The following NAV3 variants were observed in gnomAD, a reference collection of about 807,000 sequenced individuals.
NAV3 encodes pore membrane and/or filament interacting like protein 1.
NAV3 carries 87 observed loss-of-function variants against 244.7 expected under a neutral mutation model. The ratio of observed to expected loss-of-function variants is 0.36; its 90% CI spans 0.30 to 0.42. NAV3 has a LOEUF of 0.42. Ranked by LOEUF, NAV3 falls within the 20% of genes least tolerant of loss-of-function variation. The pLI is 1.00. For synonymous variants in NAV3, 1,126 were observed against 1,042.2 expected, an observed-to-expected ratio of 1.08 and a Z score of -1.55; for missense variants, 2,663 against 2,893.3, an observed-to-expected ratio of 0.92 and a Z score of 1.83.
rs76248539 is a variant in NAV3 at position 77,859,013 on chromosome 12, C to A, written c.243+27309C>A. On this transcript the variant is annotated intron_variant, in intron 1 of 39. Coordinates refer to ENST00000397909, the MANE Select transcript of NAV3 (RefSeq NM_001024383.2). The stretch of plus-strand genomic sequence containing the variant: ...GGCATTGCAGGTTGGCAGGATATTT[C>A]TTCTAATTTACTTTCACTGCAGTTA... 8.8e-3 allele frequency among the ~76,000 whole-genome samples: 1,338 copies of A among 152,122 alleles called. 14 individuals are homozygous for A. Among genetic ancestry groups the A allele is most frequent in the Middle Eastern group, 0.014 (4 of 294 alleles).
chr12:77,972,160 G>A (rs1893048628), intron 5 of NAV3, among the ~76,000 whole-genome samples: 1 of 151,890 alleles, frequency 6.6e-6, no homozygotes, highest in African/African-American at 2.4e-5. Flanking sequence ...AGGTGCATGG[G>A]TCATGTGCTA....
At chr12:77,977,491 G>A (rs1003644246) in intron 5 of NAV3, among the ~76,000 whole-genome samples, 4 of 61,144 alleles carry the variant, frequency 6.5e-5, no homozygotes, top group African/African-American at 1.6e-4. Context: ...GTAAAACCTG[G>A]ATATTAAAAC....
chr12:77,626,617 C>T (rs1056660367), intron 2 of NAV3, among the ~76,000 whole-genome samples: 3 of 152,034 alleles, frequency 2.0e-5, no homozygotes, highest in African/African-American at 7.2e-5. Flanking sequence ...AGAAACTACA[C>T]AGGCCAGGAG....
intron 5 of NAV3, among the ~76,000 whole-genome samples, chr12:77,977,708 A>ACGCG (rs143241072): frequency 1.2e-3 from 90 of 73,354 alleles, no homozygotes; most frequent in Admixed American, 3.2e-3. Context: ...ACACACACAC[A>ACGCG]CGCGCACACA....
chr12:77,742,433 A>G (rs1415815482), intron 2 of NAV3, among the ~76,000 whole-genome samples: 1 of 152,106 alleles, frequency 6.6e-6, no homozygotes, highest in Non-Finnish European at 1.5e-5. Flanking sequence ...TGTTTTGACA[A>G]ATACATTGGA....
At position 78,119,387 on chromosome 12, in the gene NAV3, C is replaced by A. The variant is rs763341796; in HGVS notation, c.3191C>A (p.Ser1064Tyr). 1.9e-6 allele frequency: 3 copies of A among 1,614,186 alleles called. No individual in the cohort carries two copies. Among genetic ancestry groups the A allele is most frequent in the Admixed American group, 1.7e-5 (1 of 60,020 alleles). Residue 1064 changes from serine to tyrosine, a missense_variant, in exon 15 of 40, where the codon TCC (serine) becomes TAC (tyrosine). Around this residue, in one of 6 missense-constraint regions of NAV3, gnomAD observed 1,521 missense variants for 1,497.0 expected, o/e 1.02. Coordinates refer to ENST00000397909, the MANE Select transcript of NAV3 (RefSeq NM_001024383.2). ...SGIGRSTATS[S>Y]FGFKKPSGVG... ...ATTGGAAGATCGACTGCCACCAGCT[C>A]CTTTGGCTTTAAGAAACCAAGTGGA...
At chr12:77,626,553 A>C (rs191706884) in intron 2 of NAV3, among the ~76,000 whole-genome samples, 2 of 152,288 alleles carry the variant, frequency 1.3e-5, no homozygotes, top group Non-Finnish European at 2.9e-5. Context: ...CAAGAAAAAA[A>C]GCATCCAGTC....
At chr12:78,136,179 G>T (rs1956366026) in intron 18 of NAV3, among the ~76,000 whole-genome samples, 1 of 152,170 alleles carries the variant, frequency 6.6e-6, no homozygotes, top group Non-Finnish European at 1.5e-5. Context: ...ACAACTCTAA[G>T]CCACTGACGG....
intron 2 of NAV3, among the ~76,000 whole-genome samples, chr12:77,775,361 C>A (rs573995342): frequency 2.7e-5 from 4 of 150,186 alleles, no homozygotes; most frequent in Non-Finnish European, 5.9e-5. Flanking sequence ...CATTGTACTC[C>A]AGCATGGGCA....
At chr12:77,598,655 C>T (rs748984780) in intron 2 of NAV3, among the ~76,000 whole-genome samples, 4 of 151,802 alleles carry the variant, frequency 2.6e-5, no homozygotes, top group Non-Finnish European at 5.9e-5. Flanking sequence ...TGGATACACC[C>T]GGGAAACCAT....
chr12:77,982,062 T>C (rs1177858172), intron 5 of NAV3, among the ~76,000 whole-genome samples: 1 of 152,200 alleles, frequency 6.6e-6, no homozygotes, highest in Non-Finnish European at 1.5e-5. Context: ...TCAAAGATTG[T>C]CTTTACATTC....
intron 1 of NAV3, among the ~76,000 whole-genome samples, chr12:77,843,761 C>T (rs1876126508): frequency 6.6e-6 from 1 of 151,612 alleles, no homozygotes; most frequent in African/African-American, 2.4e-5. Flanking sequence ...CCAGACAATG[C>T]CAATGCCAAA....
intron 2 of NAV3, among the ~76,000 whole-genome samples, chr12:77,618,471 A>T (rs1303021871): frequency 6.6e-6 from 1 of 152,220 alleles, no homozygotes; most frequent in African/African-American, 2.4e-5. Flanking sequence ...GACATGCAAT[A>T]TTCGATTGAA....
intron 5 of NAV3, among the ~76,000 whole-genome samples, chr12:77,987,472 T>A (rs779370421): frequency 5.1e-4 from 78 of 152,314 alleles, no homozygotes; most frequent in Middle Eastern, 6.8e-3. Flanking sequence ...GATGTAATAA[T>A]GACTAGTGTC....
At chr12:78,036,100 G>T (rs1403483871) in intron 9 of NAV3, among the ~76,000 whole-genome samples, 1 of 152,106 alleles carries the variant, frequency 6.6e-6, no homozygotes, top group East Asian at 1.9e-4. Context: ...ATGTGCATAA[G>T]GTTAATAGTG....
At chr12:77,776,103 C>T (rs922408534) in intron 2 of NAV3, among the ~76,000 whole-genome samples, 1 of 152,050 alleles carries the variant, frequency 6.6e-6, no homozygotes, top group African/African-American at 2.4e-5. Context: ...TCATAGAAGC[C>T]CAATTAATGT....
In NAV3 at chr12:77,831,195, CAG is replaced by C. The variant is rs71088342; in HGVS notation, c.-245_-244del. ...AGAGAGAGAGAGAGAGAGAGAGAGA[CAG>C]AGAGAGAGAGAGAGAGAGAGAAAGA... On this transcript the variant is annotated 5_prime_UTR_variant, in exon 1 of 40. Transcript: ENST00000397909. 817 of 144,728 alleles carry C rather than the reference CAG, an allele frequency of 5.6e-3. No individual in the cohort carries two copies. Among genetic ancestry groups the C allele is most frequent in the South Asian group, 0.012 (74 of 6,124 alleles). The allele number at this position is 144,728 out of a possible 1,614,324, so 9.0% of individuals were successfully genotyped here.
chr12:78,157,785 G>A (rs982776112), intron 22 of NAV3, among the ~76,000 whole-genome samples: 2 of 151,418 alleles, frequency 1.3e-5, no homozygotes, highest in Non-Finnish European at 2.9e-5. Flanking sequence ...GTGTGTTTGT[G>A]TGAGAGAGAG....
rs570901006 is a variant in NAV3 at position 77,647,730 on chromosome 12, T to G, written c.72+75464T>G. On this transcript the variant is annotated intron_variant, in intron 2 of 8. Coordinates refer to the NAV3 transcript ENST00000550042. Reference sequence around the variant, plus strand: ...TCTCTCTAATGTATGGAACAATGTATTATAGATGTACCATTTTTTCCCATT... The same window carrying G: ...TCTCTCTAATGTATGGAACAATGTAGTATAGATGTACCATTTTTTCCCATT... Among the ~76,000 whole-genome samples, 11 of 152,268 alleles carry G rather than the reference T, an allele frequency of 7.2e-5. 1 individual carries two copies. The South Asian group carries it at 2.3e-3, about 32-fold the overall frequency.
Sources: allele counts gnomAD v4.1 joint callset (sites outside exome capture counted in the v4.1 genomes callset), GRCh38; gene constraint gnomAD v4.1.1; regional missense constraint gnomAD v4.1.1; transcripts MANE v1.5; gene names NCBI Gene and HGNC (gene_info 2026-07-23, HGNC 2026-07-21).